NHSL1: variants seen among roughly 807,000 people sequenced by gnomAD.
NHSL1 encodes NHS-like protein 1.
A neutral mutation model predicts 95.0 loss-of-function variants in NHSL1; 48 were observed. That is an observed-to-expected ratio of 0.51 (90% CI 0.40 to 0.64). NHSL1 has a LOEUF of 0.64. Ranked by LOEUF, NHSL1 falls within the 30% of genes least tolerant of loss-of-function variation. The probability of loss-of-function intolerance (pLI) is 0.00; values close to 1 mark genes in which losing one functional copy is unlikely to be tolerated. For synonymous variants in NHSL1, 783 were observed against 833.9 expected (o/e 0.94, Z 1.05); for missense variants, 1,971 against 2,077.7 (o/e 0.95, Z 1.00).
At chr6:138,580,233 G>A (rs1414421813) in intron 1 of NHSL1, among the ~76,000 whole-genome samples, 1 of 152,200 alleles carries the variant, frequency 6.6e-6, no homozygotes, top group African/African-American at 2.4e-5. Context: ...CTCTTGCTAG[G>A]AGATGGGCCA....
upstream of NHSL1, among the ~76,000 whole-genome samples, chr6:138,503,587 G>T (rs1191202030): frequency 1.3e-5 from 2 of 152,150 alleles, no homozygotes; most frequent in South Asian, 2.1e-4. Flanking sequence ...CTCTTGGGTT[G>T]TAACAGCAGG....
At chr6:138,623,058 A>G (rs1784686477) in intron 1 of NHSL1, among the ~76,000 whole-genome samples, 2 of 152,224 alleles carry the variant, frequency 1.3e-5, no homozygotes, top group South Asian at 4.1e-4. Context: ...AGCCACTTAG[A>G]AAAAAGGGCA....
At chr6:138,497,407 G>A (rs969973746) in intron 1 of NHSL1, among the ~76,000 whole-genome samples, 1 of 152,148 alleles carries the variant, frequency 6.6e-6, no homozygotes, top group African/African-American at 2.4e-5. Context: ...TACTTGAATT[G>A]TGAGTGAGGA....
At chr6:138,550,590 TACAAGAGGGAGTG>T (rs1224787562), upstream of NHSL1, among the ~76,000 whole-genome samples, 2 of 152,202 alleles carry the variant, frequency 1.3e-5, no homozygotes, top group African/African-American at 4.8e-5. Context: ...TTATTATCTC[TACAAGAGGGAGTG>T]GTATCCACAC....
chr6:138,595,643 G>C (rs1201646174), intron 1 of NHSL1, among the ~76,000 whole-genome samples: 1 of 152,056 alleles, frequency 6.6e-6, no homozygotes, highest in Non-Finnish European at 1.5e-5. Context: ...AATATCATAG[G>C]GTAACCTGGA....
At chr6:138,484,705 CTG>C (rs1405216033) in intron 2 of NHSL1, among the ~76,000 whole-genome samples, 1 of 152,152 alleles carries the variant, frequency 6.6e-6, no homozygotes, top group Non-Finnish European at 1.5e-5. Flanking sequence ...TATTCTTGCT[CTG>C]TGATTAATTC....
chr6:138,435,314 C>T (rs1776003063), intron 5 of NHSL1: 1 of 153,692 alleles, frequency 6.5e-6, no homozygotes, highest in South Asian at 2.0e-4. Flanking sequence ...ATTTTTTTTC[C>T]TTTCAAAATT....
upstream of NHSL1, among the ~76,000 whole-genome samples, chr6:138,575,989 A>ATTTT (rs1452788513): frequency 6.6e-6 from 1 of 150,498 alleles, no homozygotes; most frequent in Non-Finnish European, 1.5e-5. Context: ...TTATTTATTT[A>ATTTT]TTTATTTATT....
chr6:138,451,726 T>C (rs1777250896), intron 3 of NHSL1, among the ~76,000 whole-genome samples: 1 of 152,178 alleles, frequency 6.6e-6, no homozygotes, highest in Non-Finnish European at 1.5e-5. Flanking sequence ...AAGTGGGCAG[T>C]TGAGATTAGA....
At chr6:138,535,773 T>G (rs61173595) in intron 1 of NHSL1, among the ~76,000 whole-genome samples, 356 of 152,232 alleles carry the variant, frequency 2.3e-3, no homozygotes, top group African/African-American at 8.1e-3. Context: ...TATCTGCAGT[T>G]CAGTACACCA....
chr6:138,571,940 G>A, exon 1 of NHSL1: 2 of 1,543,284 alleles, frequency 1.3e-6, no homozygotes, highest in South Asian at 2.4e-5. Flanking sequence ...TAGAGACAAA[G>A]AACAGCCCAG....
At chr6:138,437,375 CATATATATATACACAT>C (rs1776218139) in intron 5 of NHSL1, among the ~76,000 whole-genome samples, 38 of 36,192 alleles carry the variant, frequency 1.0e-3, no homozygotes, top group African/African-American at 3.8e-3. Context: ...TATATATACA[CATATATATATACACAT>C]ATATATATAT....
intron 1 of NHSL1, among the ~76,000 whole-genome samples, chr6:138,615,713 C>T (rs1366527075): frequency 6.6e-5 from 10 of 152,356 alleles, no homozygotes; most frequent in Admixed American, 3.9e-4. Context: ...CCTCATGATC[C>T]GCCTGCCTTG....
chr6:138,649,914 G>C (rs938869240), intron 1 of NHSL1, among the ~76,000 whole-genome samples: 1 of 152,076 alleles, frequency 6.6e-6, no homozygotes, highest in Non-Finnish European at 1.5e-5. Flanking sequence ...GGGCCCCCAC[G>C]AGCCATTCTC....
intron 1 of NHSL1, among the ~76,000 whole-genome samples, chr6:138,514,088 G>A (rs139323800): frequency 0.012 from 1,851 of 151,922 alleles, 38 homozygotes; most frequent in African/African-American, 0.039. Flanking sequence ...AGGCCAAGGC[G>A]GGCGGATCAC....
chr6:138,657,478 T>C (rs1344769152), intron 1 of NHSL1, among the ~76,000 whole-genome samples: 1 of 152,260 alleles, frequency 6.6e-6, no homozygotes, highest in African/African-American at 2.4e-5. Flanking sequence ...GCTTCTACAA[T>C]ATCCCTGAAC....
intron 1 of NHSL1, among the ~76,000 whole-genome samples, chr6:138,586,529 T>A (rs1211691732): frequency 6.6e-6 from 1 of 152,194 alleles, no homozygotes; most frequent in Non-Finnish European, 1.5e-5. Context: ...AGAATTAATA[T>A]GTCAATATAT....
chr6:138,519,483 A>AC (rs1781588433), intron 1 of NHSL1, among the ~76,000 whole-genome samples: 1 of 152,184 alleles, frequency 6.6e-6, no homozygotes, highest in South Asian at 2.1e-4. Context: ...ATCTTAGATG[A>AC]AGAAAGTAAT....
rs981812787 is a variant in NHSL1 at position 138,442,255 on chromosome 6, G to A, written c.533-141C>T. The A allele has an allele frequency of 1.1e-5, 9 of 834,750 alleles. No individual in the cohort carries two copies. In the African/African-American group the frequency reaches 1.2e-4, roughly 12 times the overall value. 51.7% of individuals were successfully genotyped at this position (834,750 alleles called of 1,614,324 possible). A position where few individuals can be genotyped will look rare whatever the true frequency, so the allele number is the denominator to read the frequency against. ...AGTCATATGATGATGAATGCTGAAG[G>A]GCAAAAAAGGAAGAAAAGCACATTA... On this transcript the variant is annotated intron_variant, in intron 4 of 7. Transcript: ENST00000343505.
Sources: gnomAD v4.1 joint callset for allele counts (sites outside exome capture counted in the v4.1 genomes callset) on GRCh38, gnomAD v4.1.1 for gene constraint, MANE v1.5 for transcripts, NCBI Gene and HGNC (gene_info 2026-07-23, HGNC 2026-07-21) for gene names.